Variants in DDI2 observed in about 807,000 individuals in gnomAD.
DDI2 encodes the protein DDI proteasomal shuttling factor 2.
DDI2 carries 5 observed loss-of-function variants against 48.1 expected under a neutral mutation model. That is an observed-to-expected ratio of 0.10 (90% CI 0.05 to 0.22). The LOEUF is 0.22. DDI2 is among the 10% of genes least tolerant of loss of function. The probability of loss-of-function intolerance (pLI) is 1.00; values close to 1 mark genes in which losing one functional copy is unlikely to be tolerated. For synonymous variants in DDI2, 205 were observed against 183.6 expected (o/e 1.12, Z -0.94); for missense variants, 285 against 506.2 (o/e 0.56, Z 4.19).
rs560325041 is a variant in DDI2 at position 15,667,197 on chromosome 1, A to G, written c.*7407A>G. ...ACTCCAGCCTGGGCAAGAGTGAGAC[A>G]CCGTCTCAAAAAAAAAAAAAATTTT... is the stretch of plus-strand genomic sequence containing the variant. On this transcript the variant is annotated 3_prime_UTR_variant, in exon 10 of 10. Coordinates refer to ENST00000480945, the MANE Select transcript of DDI2 (RefSeq NM_032341.5). The G allele has an allele frequency of 1.5e-4, 20 of 134,950 alleles. No homozygotes were observed. Among genetic ancestry groups the G allele is most frequent in the African/African-American group, 5.7e-4 (20 of 35,382 alleles). The allele number at this position is 134,950 out of a possible 1,614,324, so 8.4% of individuals were successfully genotyped here. A position where few individuals can be genotyped will look rare whatever the true frequency, so the allele number is the denominator to read the frequency against.
chr1:15,666,742 A>G lies in DDI2; in HGVS notation c.*6952A>G, dbSNP rs1283831073. ...CCTGCCCTTGTGAAGCTTTCAGTCT[A>G]GAAGGGAGACGTGAAACAAATTTTA... On this transcript the variant is annotated 3_prime_UTR_variant, in exon 10 of 10. Transcript: ENST00000480945. The G allele has an allele frequency of 1.3e-5, 2 of 152,194 alleles. No individual in the cohort carries two copies. Among genetic ancestry groups the G allele is most frequent in the Non-Finnish European group, 2.9e-5 (2 of 68,038 alleles). 9.4% of individuals were successfully genotyped at this position (152,194 alleles called of 1,614,324 possible).
At position 15,660,103 on chromosome 1, in the gene DDI2, G is replaced by C. The variant is rs769584820; in HGVS notation, c.*313G>C. ...ACATCTTTCTTTACAAGATCTTTCT[G>C]ATCATGCTTCCTCAGCAGACCATGC... On this transcript the variant is annotated 3_prime_UTR_variant, in exon 10 of 10. Coordinates refer to ENST00000480945, the MANE Select transcript of DDI2 (RefSeq NM_032341.5). 1 of 1,614,066 alleles carries C rather than the reference G, an allele frequency of 6.2e-7. No homozygotes were observed. Among genetic ancestry groups the C allele is most frequent in the Admixed American group, 1.7e-5 (1 of 59,998 alleles).
intron 8 of DDI2, 128 bp from the exon 9 acceptor site, chr1:15,656,489 A>T (rs567811043): frequency 1.3e-6 from 2 of 1,585,908 alleles, no homozygotes; most frequent in Non-Finnish European, 1.7e-6. Flanking sequence ...CTACAGAAAC[A>T]TCCCTCAACT....
intron 5 of DDI2, among the ~76,000 whole-genome samples, chr1:15,638,801 T>C (rs1285537182): frequency 6.6e-6 from 1 of 152,146 alleles, no homozygotes; most frequent in Non-Finnish European, 1.5e-5. Context: ...CAGATGGCTG[T>C]AGTTCTTTAG....
chr1:15,656,574 A>T (rs1246680736), intron 8 of DDI2, 43 bp from the exon 9 acceptor site: 1 of 1,614,014 alleles, frequency 6.2e-7, no homozygotes, highest in Admixed American at 1.7e-5. Context: ...TGTGGTTTGC[A>T]TTGTTAACCC....
chr1:15,640,759 T>G (rs2103471473), intron 5 of DDI2, among the ~76,000 whole-genome samples: 1 of 152,364 alleles, frequency 6.6e-6, no homozygotes, highest in South Asian at 2.1e-4. Context: ...CTGGGCCTTT[T>G]TGAATCTAAT....
rs993388122 is a variant in DDI2 at position 15,617,742 on chromosome 1, C to G, written c.72C>G (p.Asp24Glu). The part of the protein sequence containing the change: ...EVTFSLQVDA[D>E]FELHNFRALC... ...CCTTTTCCCTCCAGGTCGACGCCGA[C>G]TTCGAGCTGCACAACTTCCGCGCGC... The change falls in exon 1 of 10, where the codon GAC becomes GAG. Residue 24 changes from aspartate (D) to glutamate (E), a missense_variant. Coordinates refer to ENST00000480945, the MANE Select transcript of DDI2 (RefSeq NM_032341.5). The G allele has an allele frequency of 6.2e-7, 1 of 1,610,730 alleles. No homozygotes were observed. The highest frequency in any genetic ancestry group is 1.3e-5 in the African/African-American group (1 of 75,002).
At chr1:15,626,042 GTAGT>G (rs1259787519) in intron 1 of DDI2, among the ~76,000 whole-genome samples, 2 of 152,172 alleles carry the variant, frequency 1.3e-5, no homozygotes, top group Admixed American at 6.5e-5. Context: ...TAATAGTACT[GTAGT>G]TAGTTAGCAT....
chr1:15,633,745 C>T lies in DDI2; in HGVS notation c.632+180C>T, dbSNP rs78386550. The T allele has an allele frequency of 2.4e-3, 2,121 of 902,106 alleles. 33 individuals carry two copies. In the African/African-American group the frequency reaches 0.029, roughly 13 times the overall value. The allele number at this position is 902,106 out of a possible 1,614,324, so 55.9% of individuals were successfully genotyped here. On this transcript the variant is annotated intron_variant, in intron 4 of 9. Transcript: ENST00000480945. ...TCATTTTCTATGCATTTCGATTTGA[C>T]ATGACAAAGATATAGGTGCTTAGTT...
chr1:15,630,161 G>A (rs144611030), intron 2 of DDI2, among the ~76,000 whole-genome samples, 164 bp from the exon 3 acceptor site: 8 of 152,106 alleles, frequency 5.3e-5, no homozygotes, highest in Admixed American at 2.6e-4. Flanking sequence ...ACTCTCAGCC[G>A]GCAGTCTTTA....
chr1:15,631,717 A>G (rs1274649769), intron 3 of DDI2, among the ~76,000 whole-genome samples: 1 of 152,010 alleles, frequency 6.6e-6, no homozygotes, highest in Admixed American at 6.6e-5. Flanking sequence ...ATAGGTTACT[A>G]CTGTTTTGAT....
At chr1:15,659,534 A>G (rs149446247) in intron 9 of DDI2, among the ~76,000 whole-genome samples, 88 of 152,366 alleles carry the variant, frequency 5.8e-4, no homozygotes, top group Admixed American at 1.1e-3. Flanking sequence ...ATAAAGAAAC[A>G]TAAATGTCCT....
chr1:15,619,416 G>A (rs867342967), intron 1 of DDI2, among the ~76,000 whole-genome samples: 1 of 148,588 alleles, frequency 6.7e-6, no homozygotes, highest in African/African-American at 2.5e-5. Flanking sequence ...GTGAGCCACC[G>A]TTCCCGGACA....
intron 1 of DDI2, among the ~76,000 whole-genome samples, 185 bp downstream of exon 1, chr1:15,617,993 C>A (rs1300421200): frequency 1.3e-5 from 2 of 152,002 alleles, no homozygotes; most frequent in Non-Finnish European, 2.9e-5. Flanking sequence ...CTCACACACT[C>A]CGAGCATGGG....
At position 15,668,446 on chromosome 1, in the gene DDI2, AT is replaced by A. The variant is rs1242485094; in HGVS notation, c.*8660del. ...CAGAGAAATTCAATATATTGATTGA[AT>A]TTTATTTTTTCGCTTTGTATCTACA... On this transcript the variant is annotated 3_prime_UTR_variant, in exon 10 of 10. Transcript: ENST00000480945. The A allele has an allele frequency of 6.6e-6, 1 of 152,142 alleles. No individual in the cohort carries two copies. The highest frequency in any genetic ancestry group is 1.5e-5 in the Non-Finnish European group (1 of 68,028). The allele number at this position is 152,142 out of a possible 1,614,324, so 9.4% of individuals were successfully genotyped here. A position where few individuals can be genotyped will look rare whatever the true frequency, so the allele number is the denominator to read the frequency against.
intron 9 of DDI2, 132 bp downstream of exon 9, chr1:15,656,811 C>G: frequency 1.6e-6 from 2 of 1,247,836 alleles, no homozygotes; most frequent in Non-Finnish European, 2.2e-6. Flanking sequence ...TTACAACTAG[C>G]CTATATGCAT....
chr1:15,638,257 C>G, intron 4 of DDI2, 50 bp from the exon 5 acceptor site: 1 of 1,609,142 alleles, frequency 6.2e-7, no homozygotes, highest in South Asian at 1.1e-5. Flanking sequence ...AAACTGATTT[C>G]TCTCCATGGA....
intron 8 of DDI2, 89 bp from the exon 9 acceptor site, chr1:15,656,528 A>G: frequency 1.2e-6 from 2 of 1,610,306 alleles, no homozygotes; most frequent in Non-Finnish European, 1.7e-6. Context: ...GATTTTAAAG[A>G]TGGCAAAAGA....
chr1:15,655,443 A>G (rs540899301), intron 8 of DDI2, among the ~76,000 whole-genome samples: 130 of 146,162 alleles, frequency 8.9e-4, no homozygotes, highest in African/African-American at 3.3e-3. Flanking sequence ...GCATGGCAAA[A>G]CACTTGTTTC....
Sources: allele counts gnomAD v4.1 joint callset (sites outside exome capture counted in the v4.1 genomes callset), GRCh38; gene constraint gnomAD v4.1.1; transcripts MANE v1.5; gene names NCBI Gene and HGNC (gene_info 2026-07-23, HGNC 2026-07-21).